The following GABPB1 variants were observed in gnomAD, a reference collection of about 807,000 sequenced individuals.
GABPB1 encodes GA binding protein transcription factor subunit beta 1, also known as GA-binding protein subunit beta-1.
A neutral mutation model predicts 45.9 loss-of-function variants in GABPB1; 15 were observed. That is an observed-to-expected ratio of 0.33 (90% CI 0.22 to 0.50). GABPB1 has a LOEUF of 0.50. Among genes scored for constraint, GABPB1 ranks in the 20% least tolerant of loss-of-function variants. The probability of loss-of-function intolerance (pLI) is 0.98; values close to 1 mark genes in which losing one functional copy is unlikely to be tolerated. For synonymous variants in GABPB1, 143 were observed against 154.4 expected (o/e 0.93, Z 0.55); for missense variants, 252 against 457.5 (o/e 0.55, Z 4.10).
In GABPB1 at chr15:50,340,919, ATT is replaced by A. The variant is rs2048343660; in HGVS notation, c.-1+14064_-1+14065del. Reference sequence around the variant, plus strand: ...CATATGGTTTATTACCATATGTAATATTACATATTACATATGGTTTATTACCA... The same window carrying A: ...CATATGGTTTATTACCATATGTAATAACATATTACATATGGTTTATTACCA... On this transcript the variant is annotated intron_variant, in intron 1 of 8. Transcript: ENST00000380877. Among the ~76,000 whole-genome samples, 15 of 14,246 alleles carry A rather than the reference ATT, an allele frequency of 1.1e-3. 3 individuals carry two copies. The African/African-American group carries it at 0.011, about 10-fold the overall frequency. The allele number at this position is 14,246 out of a possible 152,430, so 9.3% of individuals were successfully genotyped here.
At chr15:50,284,797 AAAC>A (rs747911472) in intron 8 of GABPB1, among the ~76,000 whole-genome samples, 1 of 152,192 alleles carries the variant, frequency 6.6e-6, no homozygotes, top group Admixed American at 6.5e-5. Flanking sequence ...CATATCAGAA[AAAC>A]AACAAAAATT....
At chr15:50,292,364 A>G (rs1227815668) in intron 6 of GABPB1, among the ~76,000 whole-genome samples, 1 of 152,040 alleles carries the variant, frequency 6.6e-6, no homozygotes, top group Non-Finnish European at 1.5e-5. Flanking sequence ...TTCTAATGTA[A>G]TAATTCATTC....
At chr15:50,314,179 A>AT (rs1386697369) in intron 1 of GABPB1, among the ~76,000 whole-genome samples, 33 of 110,838 alleles carry the variant, frequency 3.0e-4, no homozygotes, top group Admixed American at 7.9e-4. Context: ...AGATTTATTT[A>AT]TTTATTTATT....
At chr15:50,318,510 C>A (rs79389773) in intron 1 of GABPB1, among the ~76,000 whole-genome samples, 1 of 151,084 alleles carries the variant, frequency 6.6e-6, no homozygotes, top group Non-Finnish European at 1.5e-5. Context: ...CACTAGATGA[C>A]GTGTTCCACC....
chr15:50,278,838 T>C (rs2140957090), intron 8 of GABPB1, 54 bp from the exon 9 acceptor site: 3 of 1,419,540 alleles, frequency 2.1e-6, no homozygotes, highest in Non-Finnish European at 1.9e-6. Flanking sequence ...ACATTATTAA[T>C]ACATATAAGC....
chr15:50,312,154 G>A (rs774050807), intron 1 of GABPB1, among the ~76,000 whole-genome samples: 11 of 151,988 alleles, frequency 7.2e-5, no homozygotes, highest in Non-Finnish European at 1.2e-4. Context: ...AGACCAGCCC[G>A]GCCAACAGGG....
At chr15:50,340,426 T>C (rs954495116) in intron 1 of GABPB1, among the ~76,000 whole-genome samples, 1 of 151,620 alleles carries the variant, frequency 6.6e-6, no homozygotes, top group Non-Finnish European at 1.5e-5. Flanking sequence ...ACATTGAAAA[T>C]CCTCAATGGA....
At chr15:50,345,281 G>C (rs1255196387) in intron 1 of GABPB1, among the ~76,000 whole-genome samples, 1 of 152,330 alleles carries the variant, frequency 6.6e-6, no homozygotes, top group East Asian at 1.9e-4. Context: ...TGACAAAAAA[G>C]ATGTCCTCTG....
chr15:50,297,067 C>T (rs1359084322), intron 6 of GABPB1, among the ~76,000 whole-genome samples: 2 of 151,818 alleles, frequency 1.3e-5, no homozygotes, highest in African/African-American at 4.8e-5. Context: ...TACGCCACCA[C>T]ATCCGGCTAA....
chr15:50,281,214 A>AT (rs1291823743), intron 8 of GABPB1, among the ~76,000 whole-genome samples: 6 of 151,686 alleles, frequency 4.0e-5, no homozygotes, highest in Middle Eastern at 3.4e-3. Context: ...TAACACTATA[A>AT]TTTTTTTTTC....
intron 4 of GABPB1, among the ~76,000 whole-genome samples, chr15:50,301,892 G>T (rs2046763854): frequency 6.6e-6 from 1 of 152,128 alleles, no homozygotes; most frequent in Non-Finnish European, 1.5e-5. Context: ...TCAATTAATT[G>T]TTCCCCATCT....
intron 1 of GABPB1, among the ~76,000 whole-genome samples, chr15:50,348,043 G>GGAAAAAAAA (rs1555517540): frequency 1.8e-5 from 2 of 113,722 alleles, no homozygotes; most frequent in African/African-American, 4.1e-5. Context: ...ACTCCATCTG[G>GGAAAAAAAA]AAAAAAAAAA....
chr15:50,321,332 C>T (rs2047561670), intron 1 of GABPB1, among the ~76,000 whole-genome samples: 1 of 152,148 alleles, frequency 6.6e-6, no homozygotes, highest in African/African-American at 2.4e-5. Flanking sequence ...CCACTCCCCA[C>T]AGAGAGAACC....
intron 8 of GABPB1, among the ~76,000 whole-genome samples, chr15:50,280,324 GTACCCTGGC>G (rs1400348526): frequency 1.3e-5 from 2 of 152,162 alleles, no homozygotes; most frequent in Non-Finnish European, 2.9e-5. Context: ...ATCAATGCCA[GTACCCTGGC>G]TACAAACTGT....
chr15:50,322,539 C>G (rs1275277028), intron 1 of GABPB1, among the ~76,000 whole-genome samples: 1 of 151,746 alleles, frequency 6.6e-6, no homozygotes, highest in Non-Finnish European at 1.5e-5. Flanking sequence ...GAGCAAGACT[C>G]CATCTCAAAA....
chr15:50,292,452 T>C (rs962233095), intron 6 of GABPB1, among the ~76,000 whole-genome samples: 1 of 152,104 alleles, frequency 6.6e-6, no homozygotes, highest in Non-Finnish European at 1.5e-5. Context: ...GTTCTCAAAG[T>C]ATCCCACCAA....
At chr15:50,282,205 A>T in intron 8 of GABPB1, 1 of 432,510 alleles carries the variant, frequency 2.3e-6, no homozygotes, top group African/African-American at 2.1e-5. Flanking sequence ...GTCTCAAAAA[A>T]TAAATAAATA....
rs1318125067 is a variant in GABPB1 at position 50,278,567 on chromosome 15, G to T, written c.*65C>A. 6 of 1,358,252 alleles carry T rather than the reference G, an allele frequency of 4.4e-6. No homozygotes were observed. The African/African-American group carries it at 8.7e-5, about 20-fold the overall frequency. 84.1% of individuals were successfully genotyped at this position (1,358,252 alleles called of 1,614,324 possible). On this transcript the variant is annotated 3_prime_UTR_variant, in exon 9 of 9. Transcript: ENST00000380877. ...GTATTCCCATGGCTGTACCTTTGTT[G>T]TGTACAGTTCAAGATTGTATTCTTT...
intron 8 of GABPB1, among the ~76,000 whole-genome samples, chr15:50,285,235 G>A (rs910838698): frequency 1.4e-4 from 21 of 152,160 alleles, no homozygotes; most frequent in South Asian, 2.1e-4. Context: ...ACAAAAACCC[G>A]AAAATGGAGA....
Sources: allele counts gnomAD v4.1 joint callset (sites outside exome capture counted in the v4.1 genomes callset), GRCh38; gene constraint gnomAD v4.1.1; transcripts MANE v1.5; gene names NCBI Gene and HGNC (gene_info 2026-07-23, HGNC 2026-07-21).